The following ELMO1 variants were observed in gnomAD, a reference collection of about 807,000 sequenced individuals.
The protein encoded by ELMO1 is engulfment and cell motility 1, also known as engulfment and cell motility protein 1.
ELMO1 carries 26 observed loss-of-function variants against 98.9 expected under a neutral mutation model. That is an observed-to-expected ratio of 0.26 (90% CI 0.19 to 0.36). The LOEUF (loss-of-function observed/expected upper bound fraction) is 0.36. Ranked by LOEUF, ELMO1 falls within the 10% of genes least tolerant of loss-of-function variation. The probability of loss-of-function intolerance (pLI) is 1.00; values close to 1 mark genes in which losing one functional copy is unlikely to be tolerated. For synonymous variants in ELMO1, 346 were observed against 346.0 expected (o/e 1.00, Z 0.00); for missense variants, 627 against 935.2 (o/e 0.67, Z 4.30).
chr7:36,911,804 A>T (rs1784363108), intron 16 of ELMO1, among the ~76,000 whole-genome samples: 1 of 152,178 alleles, frequency 6.6e-6, no homozygotes, highest in African/African-American at 2.4e-5. Flanking sequence ...CCCATCGGCC[A>T]ACTCTCAGCT....
chr7:36,903,878 T>G (rs1413635395), intron 16 of ELMO1, among the ~76,000 whole-genome samples: 1 of 152,180 alleles, frequency 6.6e-6, no homozygotes, highest in Non-Finnish European at 1.5e-5. Context: ...ACAGCACGGA[T>G]AGGATTGGTA....
chr7:37,077,445 T>C lies in ELMO1; in HGVS notation c.1300+19174A>G, dbSNP rs117247135. On this transcript the variant is annotated intron_variant, in intron 15 of 21. Coordinates refer to ENST00000310758, the MANE Select transcript of ELMO1 (RefSeq NM_014800.11). ...GGGCGTGGTGGTGTTGCAAAGAAGT[T>C]TGGGCTTCAGCCTAAGAGGAATCAT... is the stretch of plus-strand genomic sequence containing the variant. 8.9e-3 allele frequency among the ~76,000 whole-genome samples: 1,362 copies of C among 152,250 alleles called. 6 individuals carry two copies. Among genetic ancestry groups the C allele is most frequent in the Middle Eastern group, 0.014 (4 of 294 alleles).
chr7:37,008,023 T>C (rs1201433088), intron 16 of ELMO1, among the ~76,000 whole-genome samples: 1 of 152,208 alleles, frequency 6.6e-6, no homozygotes, highest in Admixed American at 6.5e-5. Flanking sequence ...GCTTAGTTTA[T>C]TATGCTGCTA....
chr7:37,114,308 T>C (rs565124810), intron 14 of ELMO1, among the ~76,000 whole-genome samples: 54 of 152,330 alleles, frequency 3.5e-4, no homozygotes, highest in African/African-American at 1.3e-3. Context: ...AGAGGTTTGA[T>C]GTACTGGATT....
rs922293643 is a variant in ELMO1, at chr7:36,853,765, T to C, written c.*1786A>G. Among the ~76,000 whole-genome samples the C allele has an allele frequency of 3.9e-5, 6 of 151,952 alleles. No individual in the cohort carries two copies. Among genetic ancestry groups the C allele is most frequent in the African/African-American group, 1.4e-4 (6 of 41,568 alleles). ...TGTGCTGTGAGGCCAGAGTGGCTGG[T>C]GCTGTGCCACGCTTAATACTGCATG... is the stretch of plus-strand genomic sequence containing the variant. On this transcript the variant is annotated 3_prime_UTR_variant, in exon 22 of 22. Transcript: ENST00000310758.
intron 15 of ELMO1, among the ~76,000 whole-genome samples, chr7:37,077,624 G>A (rs1381662449): frequency 6.6e-6 from 1 of 152,178 alleles, no homozygotes; most frequent in Non-Finnish European, 1.5e-5. Flanking sequence ...AGAAAAATCA[G>A]GAGATTTAAG....
intron 8 of ELMO1, among the ~76,000 whole-genome samples, chr7:37,232,701 G>T (rs1794244561): frequency 6.6e-6 from 1 of 152,154 alleles, no homozygotes. Flanking sequence ...AGGTGTGCAG[G>T]TCATCAGTAT....
intron 15 of ELMO1, among the ~76,000 whole-genome samples, chr7:37,095,647 A>G (rs1369080600): frequency 6.6e-6 from 1 of 152,134 alleles, no homozygotes; most frequent in Non-Finnish European, 1.5e-5. Context: ...TAAGTATTAA[A>G]TTTTCTAGTT....
chr7:37,118,549 C>T (rs1785757817), intron 14 of ELMO1, among the ~76,000 whole-genome samples: 1 of 152,198 alleles, frequency 6.6e-6, no homozygotes. Flanking sequence ...CGAGCAAATA[C>T]ATATGAAACT....
At chr7:36,858,441 G>A (rs890846497) in intron 21 of ELMO1, among the ~76,000 whole-genome samples, 6 of 152,136 alleles carry the variant, frequency 3.9e-5, no homozygotes, top group Admixed American at 2.0e-4. Context: ...ACAGGGGACC[G>A]ATGAATATAT....
intron 16 of ELMO1, among the ~76,000 whole-genome samples, chr7:36,924,531 TAAAC>T (rs1367827835): frequency 6.6e-6 from 1 of 152,150 alleles, no homozygotes; most frequent in African/African-American, 2.4e-5. Context: ...AAAACACACA[TAAAC>T]AAAGCTAAGT....
At chr7:37,206,234 A>G (rs1792609608) in intron 13 of ELMO1, among the ~76,000 whole-genome samples, 1 of 152,202 alleles carries the variant, frequency 6.6e-6, no homozygotes, top group African/African-American at 2.4e-5. Context: ...TACTAATTTA[A>G]TCTACACAAC....
chr7:37,148,939 G>A (rs1044518792), intron 13 of ELMO1, among the ~76,000 whole-genome samples: 5 of 152,166 alleles, frequency 3.3e-5, no homozygotes, highest in African/African-American at 7.2e-5. Context: ...AGGCTATGAT[G>A]TCCAACAAAG....
intron 13 of ELMO1, among the ~76,000 whole-genome samples, chr7:37,173,319 A>G (rs1266005464): frequency 1.3e-5 from 2 of 152,180 alleles, no homozygotes; most frequent in Non-Finnish European, 2.9e-5. Flanking sequence ...TTCTGGCCCA[A>G]AGTGACCATG....
rs574323974 is a variant in ELMO1, at chr7:37,278,999, A to G, written c.193-7117T>C. 6.6e-5 allele frequency among the ~76,000 whole-genome samples: 10 copies of G among 152,232 alleles called. No homozygotes were observed. In the East Asian group the frequency reaches 1.4e-3, roughly 21 times the overall value. On this transcript the variant is annotated intron_variant, in intron 4 of 21. Transcript: ENST00000310758. ...GGTGGGTCACGAGGTCAGGAGTTCG[A>G]GAGCAGCCTGGGCAACATGGTGAAA...
At chr7:37,062,387 T>G (rs1478916568) in intron 15 of ELMO1, among the ~76,000 whole-genome samples, 2 of 152,200 alleles carry the variant, frequency 1.3e-5, no homozygotes, top group Non-Finnish European at 2.9e-5. Context: ...TCTCTAAATT[T>G]CTTACGTGGA....
intron 5 of ELMO1, among the ~76,000 whole-genome samples, chr7:37,268,031 A>G (rs986296103): frequency 2.0e-5 from 3 of 152,250 alleles, no homozygotes; most frequent in African/African-American, 7.2e-5. Flanking sequence ...GACTACAAAT[A>G]TAGTCACCAT....
chr7:36,988,816 C>T (rs547270575), intron 16 of ELMO1, among the ~76,000 whole-genome samples: 1 of 152,296 alleles, frequency 6.6e-6, no homozygotes, highest in South Asian at 2.1e-4. Flanking sequence ...ACCAGACCAG[C>T]AGATGCTTAG....
intron 16 of ELMO1, among the ~76,000 whole-genome samples, chr7:37,005,837 C>T (rs770697288): frequency 2.1e-4 from 32 of 152,092 alleles, no homozygotes; most frequent in Non-Finnish European, 3.4e-4. Flanking sequence ...TTTGGAATCC[C>T]GTGTCACCTG....
Sources: gnomAD v4.1 joint callset for allele counts (sites outside exome capture counted in the v4.1 genomes callset) on GRCh38, gnomAD v4.1.1 for gene constraint, MANE v1.5 for transcripts, NCBI Gene and HGNC (gene_info 2026-07-23, HGNC 2026-07-21) for gene names.